Variants in USP20 observed in about 807,000 individuals in gnomAD.
USP20 encodes ubiquitin carboxyl-terminal hydrolase 20.
Under a neutral mutation model 124.2 loss-of-function variants are expected in USP20, and 80 were observed. That is an observed-to-expected ratio of 0.64 (90% CI 0.54 to 0.78). The LOEUF is 0.78. USP20 is among the 30% of genes least tolerant of loss of function. The pLI is 0.00. For missense variants in USP20, 1,043 were observed against 1,244.4 expected, an observed-to-expected ratio of 0.84 and a Z score of 2.44; for synonymous variants, 481 against 512.3, an observed-to-expected ratio of 0.94 and a Z score of 0.83.
chr9:129,856,278 C>T (rs1292830945), intron 3 of USP20, 29 bp from the exon 4 acceptor site: 1 of 1,612,332 alleles, frequency 6.2e-7, no homozygotes, highest in South Asian at 1.1e-5. Flanking sequence ...CTCATGCCTG[C>T]TCTTTTTCTC....
intron 10 of USP20, among the ~76,000 whole-genome samples, chr9:129,866,740 A>C (rs1444462445): frequency 6.6e-6 from 1 of 152,252 alleles, no homozygotes; most frequent in Non-Finnish European, 1.5e-5. Flanking sequence ...TAAGGGCCAA[A>C]AGACTCTTTT....
At position 129,879,051 on chromosome 9, in the gene USP20, C is replaced by T. The variant is rs537415980; in HGVS notation, c.2513-522C>T. The stretch of plus-strand genomic sequence containing the variant: ...GAGGCCTCATTGCCATCCCGCTAGT[C>T]GGGGAAGGTGCCAGGGCCACCGTGA... On this transcript the variant is annotated intron_variant, in intron 23 of 25. Coordinates refer to ENST00000372429, the MANE Select transcript of USP20 (RefSeq NM_001110303.4). This position sits in a 1 kb window ranked among gnomAD's most constrained non-coding sequence, Gnocchi z 4.2. Among the ~76,000 whole-genome samples the T allele has an allele frequency of 1.3e-5, 2 of 152,204 alleles. No homozygotes were observed. Among genetic ancestry groups the T allele is most frequent in the African/African-American group, 2.4e-5 (1 of 41,456 alleles).
At chr9:129,858,443 C>T (rs1409928928) in intron 5 of USP20, 24 bp from the exon 6 acceptor site, 1 of 1,613,986 alleles carries the variant, frequency 6.2e-7, no homozygotes, top group Non-Finnish European at 8.5e-7. Context: ...TGCCCTGGAC[C>T]TTGTTTTGGA....
chr9:129,863,432 C>CA, intron 9 of USP20, 133 bp downstream of exon 9: 3 of 650,652 alleles, frequency 4.6e-6, no homozygotes, highest in Middle Eastern at 5.3e-4. Flanking sequence ...GTAATGCTTG[C>CA]AGCAAGCCTG....
At chr9:129,870,668 G>C (rs1197034022) in intron 15 of USP20, 121 bp downstream of exon 15, 1 of 1,176,132 alleles carries the variant, frequency 8.5e-7, no homozygotes, top group Non-Finnish European at 1.2e-6. Context: ...GCTAGACTTG[G>C]CTTCCAAGGT....
chr9:129,867,965 G>T (rs1443759635), intron 10 of USP20, 40 bp from the exon 11 acceptor site: 10 of 1,577,108 alleles, frequency 6.3e-6, no homozygotes, highest in Non-Finnish European at 8.6e-6. Context: ...GGTTCCTCCT[G>T]CCTCCAGGGG....
intron 3 of USP20, among the ~76,000 whole-genome samples, chr9:129,854,652 A>AT (rs2033118974): frequency 6.6e-6 from 1 of 151,442 alleles, no homozygotes; most frequent in African/African-American, 2.4e-5. Context: ...AATGGAAAAA[A>AT]AACTGGGAAG....
chr9:129,858,863 G>A (rs1690049384), intron 6 of USP20, among the ~76,000 whole-genome samples: 2 of 152,166 alleles, frequency 1.3e-5, no homozygotes, highest in South Asian at 4.1e-4. Context: ...ACCATGGGGT[G>A]GCCGTGTGGA....
Position 129,846,640 on chromosome 9 carries a change from T to TA in USP20, c.-128-3171dup, listed in dbSNP as rs563474548. Among the ~76,000 whole-genome samples the TA allele has an allele frequency of 2.2e-4, 33 of 151,100 alleles. No individual in the cohort carries two copies. The Middle Eastern group carries it at 0.01, about 47-fold the overall frequency. The stretch of plus-strand genomic sequence containing the variant: ...TTACTGTCTTTTTTTTTTTTTTTTT[T>TA]AAGATGGAGTTTTGCTCTTGTCACC... On this transcript the variant is annotated intron_variant, in intron 1 of 25. Coordinates refer to ENST00000372429, the MANE Select transcript of USP20 (RefSeq NM_001110303.4).
chr9:129,866,721 G>A lies in USP20; in HGVS notation c.691-1284G>A, dbSNP rs142236715. ...AGGCTGAACTGTAGACGCAGCTGCG[G>A]GCGCCTCTTAAGGGCCAAAAGACTC... On this transcript the variant is annotated intron_variant, in intron 10 of 25. Coordinates refer to ENST00000372429, the MANE Select transcript of USP20 (RefSeq NM_001110303.4). 1.4e-4 allele frequency among the ~76,000 whole-genome samples: 21 copies of A among 152,344 alleles called. No individual in the cohort carries two copies. The East Asian group carries it at 4.1e-3, about 29-fold the overall frequency.
At chr9:129,871,697 A>T (rs2034136000) in intron 15 of USP20, among the ~76,000 whole-genome samples, 1 of 151,950 alleles carries the variant, frequency 6.6e-6, no homozygotes, top group Non-Finnish European at 1.5e-5. Flanking sequence ...GTGGTATCTC[A>T]TTGTGCGTTT....
At chr9:129,873,637 C>T in intron 16 of USP20, 62 bp from the exon 17 acceptor site, 1 of 1,613,624 alleles carries the variant, frequency 6.2e-7, no homozygotes, top group Non-Finnish European at 8.5e-7. Context: ...GGGTGGAGGG[C>T]TGCTTCCCTG....
At chr9:129,869,068 TTTCTCATGGC>T in intron 12 of USP20, 66 bp downstream of exon 12, 1 of 1,518,136 alleles carries the variant, frequency 6.6e-7, no homozygotes, top group South Asian at 1.2e-5. Context: ...CGTAGCTGCC[TTTCTCATGGC>T]CCCCTGTGGC....
intron 1 of USP20, among the ~76,000 whole-genome samples, chr9:129,842,978 A>T (rs893129320): frequency 6.6e-6 from 1 of 152,190 alleles, no homozygotes; most frequent in Non-Finnish European, 1.5e-5. Context: ...ATTAATTTTT[A>T]AAATGTTAGT....
chr9:129,873,505 C>T lies in USP20; in HGVS notation c.1684C>T (p.Arg562Trp), dbSNP rs368999378. The T allele has an allele frequency of 3.1e-6, 5 of 1,614,020 alleles. No homozygotes were observed. Among genetic ancestry groups the T allele is most frequent in the African/African-American group, 2.7e-5 (2 of 74,900 alleles). Residue 562 changes from arginine to tryptophan, a missense_variant, in exon 16 of 26, where the codon CGG becomes TGG. By Grantham distance (101) the Arg-to-Trp change is moderately radical. Coordinates refer to ENST00000372429, the MANE Select transcript of USP20 (RefSeq NM_001110303.4). ...LKGDNMYSCE[R>W]CKKLRNGVKY... ...AGGTGACAACATGTACAGCTGTGAG[C>T]GGTGTAAGAAGTAAGTGAGCCTTCC...
At chr9:129,855,108 G>T (rs1050074994) in intron 3 of USP20, among the ~76,000 whole-genome samples, 2 of 152,218 alleles carry the variant, frequency 1.3e-5, no homozygotes, top group Non-Finnish European at 2.9e-5. Context: ...CTGCTACAGA[G>T]ACTGGAGGGG....
rs931027188 is a variant in USP20, at chr9:129,857,056, T to TA, written c.135+707dup. Among the ~76,000 whole-genome samples the TA allele has an allele frequency of 4.0e-3, 591 of 146,196 alleles. 10 individuals carry two copies. The highest frequency in any genetic ancestry group is 0.028 in the Admixed American group (406 of 14,608). ...AAATGACTGTTACTTAAAATTTCTTTAAAAAAAAAAACCCACGAGTAAAAA... is the reference window on the plus strand; with the variant it reads ...AAATGACTGTTACTTAAAATTTCTTTAAAAAAAAAAAACCCACGAGTAAAAA... On this transcript the variant is annotated intron_variant, in intron 4 of 25. Coordinates refer to ENST00000372429, the MANE Select transcript of USP20 (RefSeq NM_001110303.4).
At chr9:129,838,338 G>A (rs1051223551) in intron 1 of USP20, among the ~76,000 whole-genome samples, 6 of 152,122 alleles carry the variant, frequency 3.9e-5, no homozygotes, top group Non-Finnish European at 5.9e-5. Context: ...CACTGTGCCC[G>A]GCTAACAACA....
chr9:129,845,415 T>G (rs535207022), intron 1 of USP20, among the ~76,000 whole-genome samples: 137 of 152,320 alleles, frequency 9.0e-4, no homozygotes, highest in African/African-American at 3.1e-3. Context: ...TTTTTTGGTT[T>G]GTTTTTGTTT....
Sources: gnomAD v4.1 joint callset for allele counts (sites outside exome capture counted in the v4.1 genomes callset) on GRCh38, gnomAD v4.1.1 for gene constraint, Gnocchi (gnomAD v3.1) non-coding constraint, MANE v1.5 for transcripts, NCBI Gene and HGNC (gene_info 2026-07-23, HGNC 2026-07-21) for gene names.